The following COL8A1 variants were observed in gnomAD, a reference collection of about 807,000 sequenced individuals.
COL8A1 encodes the protein collagen type VIII alpha 1 chain, also known as collagen alpha-1(VIII) chain.
In COL8A1, 21 loss-of-function variants were observed where a neutral mutation model predicts 42.7. The ratio of observed to expected loss-of-function variants is 0.49; its 90% confidence interval spans 0.35 to 0.71. The LOEUF is 0.71. Ranked by LOEUF, COL8A1 falls within the 30% of genes least tolerant of loss-of-function variation. The probability of loss-of-function intolerance (pLI) is 0.01; values close to 1 mark genes in which losing one functional copy is unlikely to be tolerated. For synonymous variants in COL8A1, 367 were observed against 369.1 expected (o/e 0.99, Z 0.06); for missense variants, 788 against 962.4 (o/e 0.82, Z 2.40).
intron 1 of COL8A1, among the ~76,000 whole-genome samples, chr3:99,716,955 T>C (rs1940016000): frequency 6.6e-6 from 1 of 151,978 alleles, no homozygotes; most frequent in Admixed American, 6.6e-5. Flanking sequence ...GCATTCACTT[T>C]GAATTTTCCC....
At chr3:99,646,520 T>A (rs1559766657) in intron 1 of COL8A1, among the ~76,000 whole-genome samples, 1 of 152,220 alleles carries the variant, frequency 6.6e-6, no homozygotes, top group Non-Finnish European at 1.5e-5. Context: ...TGTGAGGTCC[T>A]GTCAAGTATT....
chr3:99,709,083 T>C (rs1263740186), intron 1 of COL8A1, among the ~76,000 whole-genome samples: 1 of 147,240 alleles, frequency 6.8e-6, no homozygotes, highest in East Asian at 2.1e-4. Flanking sequence ...TTGGCCCTTT[T>C]TGCTCTTTCT....
chr3:99,793,353 T>A (rs1942038017), intron 3 of COL8A1, among the ~76,000 whole-genome samples: 1 of 152,210 alleles, frequency 6.6e-6, no homozygotes, highest in Admixed American at 6.5e-5. Context: ...TTCCACATTG[T>A]ATTCATGAAT....
chr3:99,742,961 T>C (rs943035334), intron 1 of COL8A1, among the ~76,000 whole-genome samples: 2 of 152,024 alleles, frequency 1.3e-5, no homozygotes, highest in Admixed American at 1.3e-4. Flanking sequence ...GAGGGAAGAG[T>C]GGAATCTAAT....
chr3:99,773,588 T>C (rs1941620965), intron 2 of COL8A1, among the ~76,000 whole-genome samples: 2 of 151,746 alleles, frequency 1.3e-5, no homozygotes, highest in South Asian at 4.2e-4. Context: ...TTAGGTAAAT[T>C]ATAATATATA....
At chr3:99,699,168 C>T (rs914715129) in intron 1 of COL8A1, among the ~76,000 whole-genome samples, 1 of 152,206 alleles carries the variant, frequency 6.6e-6, no homozygotes, top group East Asian at 1.9e-4. Flanking sequence ...CCAAACTCTA[C>T]AGCCACTTCC....
intron 1 of COL8A1, among the ~76,000 whole-genome samples, chr3:99,720,781 C>G (rs1282333244): frequency 6.6e-6 from 1 of 151,998 alleles, no homozygotes; most frequent in African/African-American, 2.4e-5. Context: ...AAAACCAGAA[C>G]CAAGTACTGG....
At chr3:99,752,468 T>G (rs538531388) in intron 2 of COL8A1, among the ~76,000 whole-genome samples, 4 of 152,162 alleles carry the variant, frequency 2.6e-5, no homozygotes, top group Admixed American at 2.6e-4. Context: ...TATGGCGCCA[T>G]GTGCTTGTAT....
chr3:99,786,838 T>G (rs759856378), intron 2 of COL8A1, among the ~76,000 whole-genome samples: 16 of 152,136 alleles, frequency 1.1e-4, no homozygotes, highest in Non-Finnish European at 2.2e-4. Flanking sequence ...AGAATTTTCT[T>G]TGAGAGGCAT....
rs115268779 is a variant in COL8A1 at position 99,640,557 on chromosome 3, G to A, written c.-129+1893G>A. On this transcript the variant is annotated intron_variant, in intron 1 of 3. Coordinates refer to ENST00000652472, the MANE Select transcript of COL8A1 (RefSeq NM_020351.4). ...TTGGGGATAAAAGTATTCTCCAAGG[G>A]TTTACTTCTGCTTTCTCTGGCAATT... is the stretch of plus-strand genomic sequence containing the variant. Among the ~76,000 whole-genome samples, 105 of 152,214 alleles carry A rather than the reference G, an allele frequency of 6.9e-4. 1 individual carries two copies. The highest frequency in any genetic ancestry group is 2.4e-3 in the African/African-American group (100 of 41,512).
chr3:99,684,284 A>G (rs929996019), intron 1 of COL8A1, among the ~76,000 whole-genome samples: 3 of 152,192 alleles, frequency 2.0e-5, no homozygotes, highest in African/African-American at 7.2e-5. Flanking sequence ...CTATATCCCT[A>G]AAAACAATCT....
At chr3:99,761,125 A>G (rs1236533313) in intron 2 of COL8A1, among the ~76,000 whole-genome samples, 1 of 152,216 alleles carries the variant, frequency 6.6e-6, no homozygotes, top group Non-Finnish European at 1.5e-5. Flanking sequence ...ACATGTATAT[A>G]GAAACAATGA....
intron 1 of COL8A1, among the ~76,000 whole-genome samples, chr3:99,640,490 G>T (rs1421844337): frequency 6.6e-6 from 1 of 152,190 alleles, no homozygotes; most frequent in African/African-American, 2.4e-5. Flanking sequence ...GGTGGAGGGG[G>T]AAATGCTCCC....
chr3:99,727,816 G>A (rs1940381839), intron 1 of COL8A1, among the ~76,000 whole-genome samples: 1 of 151,958 alleles, frequency 6.6e-6, no homozygotes, highest in Non-Finnish European at 1.5e-5. Flanking sequence ...CTTCATCCCT[G>A]GGATGCAAGG....
chr3:99,792,201 A>G (rs1317322106), intron 3 of COL8A1, among the ~76,000 whole-genome samples: 1 of 152,252 alleles, frequency 6.6e-6, no homozygotes. Flanking sequence ...CTAGTATTAT[A>G]CTTAGAAGAT....
intron 2 of COL8A1, among the ~76,000 whole-genome samples, chr3:99,758,696 AAGTG>A (rs1298703743): frequency 6.6e-6 from 1 of 152,194 alleles, no homozygotes; most frequent in African/African-American, 2.4e-5. Context: ...CCAGGAAGGC[AAGTG>A]AGTAAGATAC....
chr3:99,748,841 G>A (rs1941084918), intron 2 of COL8A1, among the ~76,000 whole-genome samples: 1 of 152,198 alleles, frequency 6.6e-6, no homozygotes, highest in Admixed American at 6.5e-5. Context: ...TCATTAAAAG[G>A]GTCCATTTTA....
chr3:99,772,288 G>A (rs1410003579), intron 2 of COL8A1, among the ~76,000 whole-genome samples: 1 of 152,180 alleles, frequency 6.6e-6, no homozygotes, highest in African/African-American at 2.4e-5. Flanking sequence ...TAAAAAGATG[G>A]GGAGTTTTCA....
intron 1 of COL8A1, among the ~76,000 whole-genome samples, chr3:99,739,203 G>T (rs1472141251): frequency 6.6e-6 from 1 of 152,210 alleles, no homozygotes; most frequent in Non-Finnish European, 1.5e-5. Context: ...CTCACGCTGG[G>T]AGCTGTAGAC....
Sources: allele counts gnomAD v4.1 joint callset (sites outside exome capture counted in the v4.1 genomes callset), GRCh38; gene constraint gnomAD v4.1.1; transcripts MANE v1.5; gene names NCBI Gene and HGNC (gene_info 2026-07-23, HGNC 2026-07-21).